Variants in CNTNAP2 observed in about 807,000 individuals in gnomAD.
The protein encoded by CNTNAP2 is contactin-associated protein-like 2.
CNTNAP2 carries 98 observed loss-of-function variants against 155.2 expected under a neutral mutation model. The observed-to-expected ratio is 0.63, with a 90% CI of 0.54 to 0.75. The LOEUF (loss-of-function observed/expected upper bound fraction) is 0.75. Ranked by LOEUF, CNTNAP2 falls within the 30% of genes least tolerant of loss-of-function variation. The probability of loss-of-function intolerance (pLI) is 0.00; values close to 1 mark genes in which losing one functional copy is unlikely to be tolerated. For missense variants in CNTNAP2, 1,727 were observed against 1,688.1 expected, an observed-to-expected ratio of 1.02 and a Z score of -0.40; for synonymous variants, 651 against 631.2, an observed-to-expected ratio of 1.03 and a Z score of -0.47.
At chr7:148,194,713 C>A (rs548365395) in intron 18 of CNTNAP2, among the ~76,000 whole-genome samples, 3 of 151,894 alleles carry the variant, frequency 2.0e-5, no homozygotes, top group Non-Finnish European at 4.4e-5. Flanking sequence ...GTGGGGTGGG[C>A]GGAGTCCCAG....
intron 3 of CNTNAP2, among the ~76,000 whole-genome samples, chr7:146,974,038 T>C (rs1410197182): frequency 1.3e-5 from 2 of 152,244 alleles, no homozygotes; most frequent in South Asian, 2.1e-4. Context: ...ATGAGGGAGA[T>C]AGATTCTCAC....
chr7:147,664,932 C>T (rs945495965), intron 13 of CNTNAP2, among the ~76,000 whole-genome samples: 2 of 152,134 alleles, frequency 1.3e-5, no homozygotes, highest in African/African-American at 4.8e-5. Flanking sequence ...GCCAGGTGGC[C>T]CATAGTTCTA....
chr7:148,397,735 C>T (rs1320684999), intron 22 of CNTNAP2, among the ~76,000 whole-genome samples: 2 of 152,224 alleles, frequency 1.3e-5, no homozygotes, highest in African/African-American at 2.4e-5. Flanking sequence ...GACTTTATCA[C>T]GCTATCTTTA....
intron 1 of CNTNAP2, among the ~76,000 whole-genome samples, chr7:146,205,894 G>C (rs1798939447): frequency 1.3e-5 from 2 of 151,798 alleles, no homozygotes; most frequent in African/African-American, 4.8e-5. Flanking sequence ...GTCTCTGGGA[G>C]AGCACAGCAG....
chr7:147,265,077 C>T (rs1353760590), intron 8 of CNTNAP2, among the ~76,000 whole-genome samples: 1 of 152,132 alleles, frequency 6.6e-6, no homozygotes, highest in East Asian at 1.9e-4. Flanking sequence ...TCAGGTTGTA[C>T]TTCAGAAGGA....
At chr7:147,945,434 G>A (rs1389277353) in intron 14 of CNTNAP2, among the ~76,000 whole-genome samples, 1 of 152,184 alleles carries the variant, frequency 6.6e-6, no homozygotes, top group Admixed American at 6.5e-5. Context: ...ATTCGTATCT[G>A]AATTATCCAT....
intron 3 of CNTNAP2, among the ~76,000 whole-genome samples, chr7:146,934,869 G>A (rs977317857): frequency 2.0e-5 from 3 of 152,068 alleles, no homozygotes; most frequent in South Asian, 2.1e-4. Context: ...GCTGTGGACC[G>A]AACAAATGCC....
At chr7:146,334,670 G>T (rs1033931117) in intron 1 of CNTNAP2, among the ~76,000 whole-genome samples, 1 of 152,034 alleles carries the variant, frequency 6.6e-6, no homozygotes, top group African/African-American at 2.4e-5. Context: ...TCCTCCAAGA[G>T]ATCTCAGGTC....
intron 17 of CNTNAP2, among the ~76,000 whole-genome samples, chr7:148,167,444 A>C (rs1193626826): frequency 6.6e-6 from 1 of 152,144 alleles, no homozygotes; most frequent in Non-Finnish European, 1.5e-5. Context: ...CTTAATGAAC[A>C]CAACAAATAC....
chr7:147,958,764 A>G (rs1801067366), intron 14 of CNTNAP2, among the ~76,000 whole-genome samples: 1 of 152,216 alleles, frequency 6.6e-6, no homozygotes, highest in South Asian at 2.1e-4. Flanking sequence ...GTATATTCTA[A>G]TAAGACAGAC....
At chr7:146,566,414 G>A (rs1798357267) in intron 1 of CNTNAP2, among the ~76,000 whole-genome samples, 1 of 152,072 alleles carries the variant, frequency 6.6e-6, no homozygotes. Context: ...ACTTTTAGTG[G>A]AAGCGCTTTT....
At chr7:147,382,401 C>T (rs770242270) in intron 9 of CNTNAP2, among the ~76,000 whole-genome samples, 4 of 152,104 alleles carry the variant, frequency 2.6e-5, no homozygotes, top group Non-Finnish European at 5.9e-5. Context: ...TATGATTGTG[C>T]ATTTTGCAGA....
intron 1 of CNTNAP2, among the ~76,000 whole-genome samples, chr7:146,188,814 G>T (rs945412274): frequency 1.3e-5 from 2 of 152,110 alleles, no homozygotes; most frequent in Non-Finnish European, 2.9e-5. Context: ...CTTGCATCTG[G>T]CAGAAATCAA....
intron 12 of CNTNAP2, among the ~76,000 whole-genome samples, chr7:147,592,180 C>T (rs1051115363): frequency 6.6e-6 from 1 of 152,018 alleles, no homozygotes; most frequent in Admixed American, 6.6e-5. Flanking sequence ...TCCTCTTAGG[C>T]ACTTAGTAAA....
intron 9 of CNTNAP2, among the ~76,000 whole-genome samples, chr7:147,309,692 T>A (rs2116791778): frequency 6.6e-6 from 1 of 152,260 alleles, no homozygotes; most frequent in African/African-American, 2.4e-5. Flanking sequence ...CAAATCAATA[T>A]TTGCTATTTT....
chr7:147,047,816 G>C (rs77237779), intron 4 of CNTNAP2, among the ~76,000 whole-genome samples: 10,228 of 152,166 alleles, frequency 0.067, 426 homozygotes, highest in Middle Eastern at 0.13. Context: ...ATCAGGAAGC[G>C]AGACTTTTCC....
intron 13 of CNTNAP2, among the ~76,000 whole-genome samples, chr7:147,710,257 A>G (rs889280035): frequency 6.6e-6 from 1 of 152,170 alleles, no homozygotes; most frequent in Non-Finnish European, 1.5e-5. Context: ...TGCACTGACC[A>G]TTCAACTATC....
intron 10 of CNTNAP2, among the ~76,000 whole-genome samples, chr7:147,459,109 G>C (rs1166731800): frequency 6.6e-6 from 1 of 152,180 alleles, no homozygotes; most frequent in Non-Finnish European, 1.5e-5. Flanking sequence ...GTAGCCTCTA[G>C]CCACACATGA....
At chr7:147,792,748 A>G (rs1797839164) in intron 13 of CNTNAP2, among the ~76,000 whole-genome samples, 2 of 152,204 alleles carry the variant, frequency 1.3e-5, no homozygotes, top group South Asian at 4.1e-4. Flanking sequence ...ATATTGTAAC[A>G]GTATGTGTAG....
Sources: allele counts gnomAD v4.1 joint callset (sites outside exome capture counted in the v4.1 genomes callset), GRCh38; gene constraint gnomAD v4.1.1; transcripts MANE v1.5; gene names NCBI Gene and HGNC (gene_info 2026-07-23, HGNC 2026-07-21).